Variants in CERS3 observed in about 807,000 individuals in gnomAD.
CERS3 encodes the protein ceramide synthase 3.
CERS3 carries 33 observed loss-of-function variants against 50.3 expected under a neutral mutation model. That is an observed-to-expected ratio of 0.66 (90% CI 0.50 to 0.88). The LOEUF (loss-of-function observed/expected upper bound fraction) is 0.88. CERS3 is among the 40% of genes least tolerant of loss of function. The probability of loss-of-function intolerance (pLI) is 0.00; values close to 1 mark genes in which losing one functional copy is unlikely to be tolerated. For synonymous variants in CERS3, 176 were observed against 155.2 expected (o/e 1.13, Z -0.99); for missense variants, 470 against 460.3 (o/e 1.02, Z -0.19).
At chr15:100,509,502 A>G (rs1230199973) in intron 2 of CERS3, among the ~76,000 whole-genome samples, 1 of 152,222 alleles carries the variant, frequency 6.6e-6, no homozygotes, top group Non-Finnish European at 1.5e-5. Flanking sequence ...TTTCTCTCAG[A>G]CAGACAGCAG....
intron 10 of CERS3, 58 bp from the exon 11 acceptor site, chr15:100,456,104 A>T: frequency 7.4e-7 from 1 of 1,357,928 alleles, no homozygotes; most frequent in Non-Finnish European, 9.9e-7. Context: ...ATGAATTTTC[A>T]ATAATAAAAC....
Position 100,451,315 on chromosome 15 carries a change from T to A in CERS3, c.999+4578A>T, listed in dbSNP as rs144622299. Among the ~76,000 whole-genome samples the A allele has an allele frequency of 8.5e-4, 130 of 152,310 alleles. 3 individuals carry two copies. The East Asian group carries it at 0.024, about 29-fold the overall frequency. The stretch of plus-strand genomic sequence containing the variant: ...ATACTAACCTTGAATGTAAACAGAT[T>A]AAACTTTCCACTTAAAAGATATAGA... On this transcript the variant is annotated intron_variant, in intron 11 of 11. Transcript: ENST00000679737.
chr15:100,436,229 C>T (rs1453188043), intron 11 of CERS3, among the ~76,000 whole-genome samples: 2 of 152,148 alleles, frequency 1.3e-5, no homozygotes, highest in Non-Finnish European at 2.9e-5. Context: ...ACCCAAATGT[C>T]CATCAATGAT....
At chr15:100,434,033 C>G (rs1490826921) in intron 11 of CERS3, among the ~76,000 whole-genome samples, 1 of 152,240 alleles carries the variant, frequency 6.6e-6, no homozygotes, top group Non-Finnish European at 1.5e-5. Flanking sequence ...TGCAGTCAGG[C>G]CTCTGTGGAG....
At chr15:100,463,494 C>A (rs1365317955) in intron 10 of CERS3, among the ~76,000 whole-genome samples, 1 of 149,206 alleles carries the variant, frequency 6.7e-6, no homozygotes, top group East Asian at 2.0e-4. Flanking sequence ...AAGGATTGGA[C>A]TACATTATAA....
At position 100,430,762 on chromosome 15, in the gene CERS3, A is replaced by G. The variant is rs554019927; in HGVS notation, c.999+25131T>C. Among the ~76,000 whole-genome samples the G allele has an allele frequency of 4.6e-5, 7 of 152,360 alleles. No homozygotes were observed. In the South Asian group the frequency reaches 1.0e-3, roughly 23 times the overall value. On this transcript the variant is annotated intron_variant, in intron 11 of 11. Coordinates refer to ENST00000679737, the MANE Select transcript of CERS3 (RefSeq NM_001378789.1). ...ATTTTCTGAACTACTAGCAAAGTAC[A>G]TTCCTTTTTGTTATATAGGTTCTAA...
At chr15:100,506,208 G>A (rs2036174013) in intron 2 of CERS3, among the ~76,000 whole-genome samples, 1 of 152,212 alleles carries the variant, frequency 6.6e-6, no homozygotes, top group African/African-American at 2.4e-5. Flanking sequence ...GAAGGGACTT[G>A]TGGTTAGAAT....
chr15:100,464,976 G>A lies in CERS3; in HGVS notation c.845+4402C>T, dbSNP rs79366953. Reference sequence around the variant, plus strand: ...CATGAAAGGGAGACTCGTTAGGAGAGTATGCAAATGTGCTTGAGGCTGGGG... The same window carrying A: ...CATGAAAGGGAGACTCGTTAGGAGAATATGCAAATGTGCTTGAGGCTGGGG... On this transcript the variant is annotated intron_variant, in intron 10 of 11. Coordinates refer to ENST00000679737, the MANE Select transcript of CERS3 (RefSeq NM_001378789.1). Among the ~76,000 whole-genome samples, 855 of 152,212 alleles carry A rather than the reference G, an allele frequency of 5.6e-3. 6 individuals are homozygous for A. The highest frequency in any genetic ancestry group is 0.02 in the African/African-American group (821 of 41,528).
At chr15:100,506,913 C>T (rs749754213) in intron 2 of CERS3, among the ~76,000 whole-genome samples, 16 of 152,128 alleles carry the variant, frequency 1.1e-4, no homozygotes, top group East Asian at 1.9e-4. Flanking sequence ...ATTTTGCACA[C>T]GTTAAATGGG....
At chr15:100,407,156 C>A (rs1245763778) in intron 11 of CERS3, among the ~76,000 whole-genome samples, 1 of 152,150 alleles carries the variant, frequency 6.6e-6, no homozygotes, top group Non-Finnish European at 1.5e-5. Flanking sequence ...AGGGGAAACT[C>A]AAATCAGAAC....
chr15:100,479,385 TTG>T, intron 7 of CERS3, 41 bp downstream of exon 7: 1 of 1,425,746 alleles, frequency 7.0e-7, no homozygotes, highest in Non-Finnish European at 9.7e-7. Flanking sequence ...TTGAGGGATC[TTG>T]GTGTTCAAGT....
At chr15:100,424,903 A>T (rs962354455) in intron 11 of CERS3, among the ~76,000 whole-genome samples, 1 of 152,164 alleles carries the variant, frequency 6.6e-6, no homozygotes, top group Non-Finnish European at 1.5e-5. Flanking sequence ...AATGGGGAAA[A>T]ATGCCTCCAA....
chr15:100,407,392 C>T (rs919223763), intron 11 of CERS3, among the ~76,000 whole-genome samples: 3 of 152,216 alleles, frequency 2.0e-5, no homozygotes, highest in Admixed American at 2.0e-4. Context: ...TTAGAGAATA[C>T]TACTGATGTT....
In CERS3 at chr15:100,467,761, C is replaced by CTA. The variant is rs1364369494; in HGVS notation, c.845+1616_845+1617insTA. 1.6e-3 allele frequency among the ~76,000 whole-genome samples: 190 copies of CTA among 120,594 alleles called. 7 individuals carry two copies. The highest frequency in any genetic ancestry group is 5.6e-3 in the Admixed American group (56 of 10,090). The allele number at this position is 120,594 out of a possible 152,430, so 79.1% of individuals were successfully genotyped here. A position where few individuals can be genotyped will look rare whatever the true frequency, so the allele number is the denominator to read the frequency against. On this transcript the variant is annotated intron_variant, in intron 10 of 11. Coordinates refer to ENST00000679737, the MANE Select transcript of CERS3 (RefSeq NM_001378789.1). ...TTGCTATCATTCTCTCTCTCTCTCT[C>CTA]TCTCTCTCTATATATATATACACAC...
intron 3 of CERS3, among the ~76,000 whole-genome samples, chr15:100,499,363 A>G (rs2035930465): frequency 6.6e-6 from 1 of 151,970 alleles, no homozygotes; most frequent in Non-Finnish European, 1.5e-5. Flanking sequence ...AACATTAGCC[A>G]CACACACACA....
intron 2 of CERS3, among the ~76,000 whole-genome samples, chr15:100,516,913 G>A (rs1007673252): frequency 6.6e-6 from 1 of 152,220 alleles, no homozygotes; most frequent in African/African-American, 2.4e-5. Context: ...AGGATTTCCA[G>A]GACAAGACAT....
intron 11 of CERS3, among the ~76,000 whole-genome samples, chr15:100,427,239 C>A (rs116144033): frequency 1.3e-5 from 2 of 152,018 alleles, no homozygotes; most frequent in Non-Finnish European, 2.9e-5. Flanking sequence ...TGCTGGACAG[C>A]GCTGCATCCC....
At chr15:100,537,999 G>A (rs944395493) in intron 1 of CERS3, among the ~76,000 whole-genome samples, 4 of 152,166 alleles carry the variant, frequency 2.6e-5, no homozygotes, top group Admixed American at 2.6e-4. Flanking sequence ...GGGTGAAATT[G>A]GCCAAAACAA....
At chr15:100,471,075 AC>A (rs2034953099) in intron 9 of CERS3, among the ~76,000 whole-genome samples, 1 of 152,260 alleles carries the variant, frequency 6.6e-6, no homozygotes, top group Admixed American at 6.5e-5. Flanking sequence ...TATTTTGTCT[AC>A]CACCAGCTGA....
Sources: allele counts gnomAD v4.1 joint callset (sites outside exome capture counted in the v4.1 genomes callset), GRCh38; gene constraint gnomAD v4.1.1; transcripts MANE v1.5; gene names NCBI Gene and HGNC (gene_info 2026-07-23, HGNC 2026-07-21).